Variants in DROSHA observed in about 807,000 individuals in gnomAD.
The protein encoded by DROSHA is drosha ribonuclease III.
In DROSHA, 56 loss-of-function variants were observed where a neutral mutation model predicts 181.9. The ratio of observed to expected loss-of-function variants is 0.31; its 90% CI spans 0.25 to 0.38. The LOEUF (loss-of-function observed/expected upper bound fraction) is 0.38, where lower values mean the gene tolerates loss of function less well. DROSHA is among the 10% of genes least tolerant of loss of function. DROSHA has a pLI of 1.00. For missense variants in DROSHA, 1,218 were observed against 1,743.5 expected (o/e 0.70, Z 5.37); for synonymous variants, 524 against 591.2 (o/e 0.89, Z 1.65).
intron 28 of DROSHA, among the ~76,000 whole-genome samples, chr5:31,423,877 C>A (rs565041920): frequency 3.3e-5 from 5 of 152,050 alleles, no homozygotes; most frequent in Non-Finnish European, 7.4e-5. Flanking sequence ...GTGCCACCAC[C>A]ATATGTAGAG....
intron 11 of DROSHA, among the ~76,000 whole-genome samples, chr5:31,495,726 G>C (rs1220296662): frequency 6.6e-6 from 1 of 152,226 alleles, no homozygotes; most frequent in African/African-American, 2.4e-5. Context: ...CACATAGGTG[G>C]CCTTGATGAA....
At chr5:31,492,059 G>C (rs528427739) in intron 13 of DROSHA, among the ~76,000 whole-genome samples, 79 of 152,312 alleles carry the variant, frequency 5.2e-4, no homozygotes, top group African/African-American at 1.3e-3. Context: ...CTCCCAAAGT[G>C]CTGGGATTAC....
intron 9 of DROSHA, 76 bp from the exon 10 acceptor site, chr5:31,508,851 T>C: frequency 6.9e-7 from 1 of 1,452,228 alleles, no homozygotes; most frequent in Non-Finnish European, 9.2e-7. Flanking sequence ...TGAGTTGGAG[T>C]CTCGCTCTGT....
In DROSHA at chr5:31,511,773, C is replaced by T. The variant is rs1345607014; in HGVS notation, c.1291-597G>A. Among the ~76,000 whole-genome samples, 3 of 151,562 alleles carry T rather than the reference C, an allele frequency of 2.0e-5. No individual in the cohort carries two copies. In the East Asian group the frequency reaches 5.8e-4, roughly 29 times the overall value. ...ATTAATATGACATTTTTTAAAAAAT[C>T]ATGACCCTCAGAGAATCATGACAAC... On this transcript the variant is annotated intron_variant, in intron 8 of 35. Transcript: ENST00000344624.
intron 25 of DROSHA, among the ~76,000 whole-genome samples, chr5:31,434,621 T>C (rs1376224277): frequency 6.6e-6 from 1 of 152,246 alleles, no homozygotes; most frequent in Non-Finnish European, 1.5e-5. Context: ...ATTAACCACA[T>C]TTTGAATATA....
intron 23 of DROSHA, among the ~76,000 whole-genome samples, chr5:31,440,003 G>A (rs905626563): frequency 2.0e-5 from 3 of 152,068 alleles, no homozygotes; most frequent in Admixed American, 6.5e-5. Flanking sequence ...GCTGCCTGTC[G>A]AGTCTCAACC....
At position 31,532,081 on chromosome 5, in the gene DROSHA, G is replaced by A. The variant is rs1410232808; in HGVS notation, c.-341C>T. The A allele has an allele frequency of 7.4e-6, 3 of 406,598 alleles. No individual in the cohort carries two copies. Among genetic ancestry groups the A allele is most frequent in the African/African-American group, 4.3e-5 (2 of 46,698 alleles). 25.2% of individuals were successfully genotyped at this position (406,598 alleles called of 1,614,324 possible). A position where few individuals can be genotyped will look rare whatever the true frequency, so the allele number is the denominator to read the frequency against. On this transcript the variant is annotated 5_prime_UTR_variant, in exon 1 of 36. Coordinates refer to ENST00000344624, the MANE Select transcript of DROSHA (RefSeq NM_001382508.1). ...AGACAGTGGCACCGCCCGCGCCTCC[G>A]GAACAGGAAACCGAGGGAATTAAAA...
At chr5:31,424,334 A>AAGATAAAAGTGC in intron 28 of DROSHA, 93 bp downstream of exon 28, 4 of 1,472,476 alleles carry the variant, frequency 2.7e-6, no homozygotes, top group Non-Finnish European at 3.7e-6. Context: ...AGAGAATCAA[A>AAGATAAAAGTGC]AGATAAAAGT....
intron 30 of DROSHA, among the ~76,000 whole-genome samples, chr5:31,418,171 C>T (rs1362426197): frequency 1.3e-5 from 2 of 152,034 alleles, no homozygotes; most frequent in African/African-American, 2.4e-5. Context: ...AACATCACTT[C>T]TTTCAACTGG....
intron 16 of DROSHA, among the ~76,000 whole-genome samples, chr5:31,482,800 T>C (rs1751184311): frequency 1.3e-5 from 2 of 151,306 alleles, no homozygotes; most frequent in African/African-American, 4.9e-5. Context: ...AACCAAAAGA[T>C]TTCATTAAAA....
At position 31,515,689 on chromosome 5, in the gene DROSHA, C is replaced by T. The variant is rs1739202282; in HGVS notation, c.948-125G>A. On this transcript the variant is annotated intron_variant, in intron 6 of 35. Coordinates refer to ENST00000344624, the MANE Select transcript of DROSHA (RefSeq NM_001382508.1). Reference sequence around the variant, plus strand: ...CCAGGAAAAAAAGATTTTAAGACTTCACAAAACAGGGTCTCAATATGGCCA... The same window carrying T: ...CCAGGAAAAAAAGATTTTAAGACTTTACAAAACAGGGTCTCAATATGGCCA... 4 of 1,334,042 alleles carry T rather than the reference C, an allele frequency of 3.0e-6. No individual in the cohort carries two copies. In the South Asian group the frequency reaches 4.6e-5, roughly 15 times the overall value. The allele number at this position is 1,334,042 out of a possible 1,614,324, so 82.6% of individuals were successfully genotyped here.
intron 12 of DROSHA, 102 bp downstream of exon 12, chr5:31,495,184 C>T (rs1037996233): frequency 2.1e-4 from 268 of 1,306,744 alleles, no homozygotes; most frequent in Non-Finnish European, 4.5e-5. Flanking sequence ...AAATATTTTT[C>T]AAAGTAAGAA....
chr5:31,413,478 A>T (rs769851110), intron 30 of DROSHA, among the ~76,000 whole-genome samples: 17 of 152,232 alleles, frequency 1.1e-4, no homozygotes, highest in Non-Finnish European at 8.8e-5. Context: ...TTCATAATGA[A>T]TCATGTTATT....
intron 35 of DROSHA, among the ~76,000 whole-genome samples, chr5:31,404,658 C>T (rs1740431957): frequency 6.6e-6 from 1 of 152,190 alleles, no homozygotes; most frequent in African/African-American, 2.4e-5. Flanking sequence ...ATCCCTTGCA[C>T]TTAAGCCTTC....
chr5:31,463,908 A>G (rs955381913), intron 20 of DROSHA, among the ~76,000 whole-genome samples: 2 of 152,150 alleles, frequency 1.3e-5, no homozygotes, highest in Non-Finnish European at 2.9e-5. Flanking sequence ...ATAAGCACCT[A>G]TACATGTGCT....
At chr5:31,520,162 G>A (rs1029574144) in intron 6 of DROSHA, among the ~76,000 whole-genome samples, 1 of 152,026 alleles carries the variant, frequency 6.6e-6, no homozygotes, top group East Asian at 1.9e-4. Context: ...TGCTTCTTGT[G>A]TGAAATTATT....
intron 18 of DROSHA, chr5:31,467,130 A>C (rs976154934): frequency 6.6e-6 from 1 of 151,508 alleles, no homozygotes; most frequent in South Asian, 2.1e-4. Context: ...GAGGAAAGAA[A>C]GAAGTACTTA....
chr5:31,487,904 A>T (rs1419442914), intron 13 of DROSHA, among the ~76,000 whole-genome samples: 4 of 152,218 alleles, frequency 2.6e-5, no homozygotes, highest in African/African-American at 9.6e-5. Flanking sequence ...TAAAATACCT[A>T]TTCTTTGCTA....
intron 3 of DROSHA, among the ~76,000 whole-genome samples, chr5:31,529,642 G>A (rs955303942): frequency 3.3e-5 from 5 of 151,710 alleles, no homozygotes; most frequent in Non-Finnish European, 7.4e-5. Context: ...GGCTGAGGCA[G>A]GAGAATGACA....
Sources: allele counts gnomAD v4.1 joint callset (sites outside exome capture counted in the v4.1 genomes callset), GRCh38; gene constraint gnomAD v4.1.1; transcripts MANE v1.5; gene names NCBI Gene and HGNC (gene_info 2026-07-23, HGNC 2026-07-21).